The following SH3PXD2B variants were observed in gnomAD, a reference collection of about 807,000 sequenced individuals.
The protein encoded by SH3PXD2B is SH3 and PX domain-containing protein 2B.
SH3PXD2B carries 37 observed loss-of-function variants against 73.1 expected under a neutral mutation model. That is an observed-to-expected ratio of 0.51 (90% CI 0.39 to 0.67). SH3PXD2B has a LOEUF of 0.67. Among genes scored for constraint, SH3PXD2B ranks in the 30% least tolerant of loss-of-function variants. The probability of loss-of-function intolerance (pLI) is 0.00; values close to 1 mark genes in which losing one functional copy is unlikely to be tolerated. For missense variants in SH3PXD2B, 1,053 were observed against 1,197.8 expected (o/e 0.88, Z 1.78); for synonymous variants, 457 against 480.5 (o/e 0.95, Z 0.64).
At chr5:172,394,453 A>G (rs917194347) in intron 4 of SH3PXD2B, 110 bp downstream of exon 4, 2 of 1,113,392 alleles carry the variant, frequency 1.8e-6, no homozygotes, top group Non-Finnish European at 2.7e-6. Context: ...ATTTCTTTAC[A>G]TTCCTTTGAA....
At position 172,440,352 on chromosome 5, in the gene SH3PXD2B, C is replaced by G. The variant is rs547257172; in HGVS notation, c.75+13926G>C. ...CCCTGCATCCCCCAGGTCTGACCTC[C>G]TGCCTCCAGCAGCCATTTTGGCCCT... is the stretch of plus-strand genomic sequence containing the variant. On this transcript the variant is annotated intron_variant, in intron 1 of 12. Coordinates refer to ENST00000311601, the MANE Select transcript of SH3PXD2B (RefSeq NM_001017995.3). Among the ~76,000 whole-genome samples, 72 of 152,354 alleles carry G rather than the reference C, an allele frequency of 4.7e-4. 1 individual carries two copies. In the South Asian group the frequency reaches 0.015, roughly 32 times the overall value.
At chr5:172,351,612 CTG>C (rs1161558706) in intron 9 of SH3PXD2B, among the ~76,000 whole-genome samples, 7 of 152,112 alleles carry the variant, frequency 4.6e-5, no homozygotes, top group Non-Finnish European at 8.8e-5. Flanking sequence ...CTGGCAAACA[CTG>C]TAACTCAGAG....
chr5:172,392,239 C>T (rs1758207127), intron 4 of SH3PXD2B, among the ~76,000 whole-genome samples: 1 of 152,020 alleles, frequency 6.6e-6, no homozygotes, highest in Non-Finnish European at 1.5e-5. Flanking sequence ...TGTGTCTTTA[C>T]AGGAACAGGA....
At chr5:172,409,968 G>A (rs763539662) in intron 2 of SH3PXD2B, among the ~76,000 whole-genome samples, 8 of 152,140 alleles carry the variant, frequency 5.3e-5, no homozygotes, top group Non-Finnish European at 7.4e-5. Context: ...CACCTGCCCC[G>A]GCCTCCCAAA....
intron 3 of SH3PXD2B, 39 bp downstream of exon 3, chr5:172,406,238 C>T (rs761927029): frequency 1.9e-6 from 3 of 1,599,530 alleles, no homozygotes; most frequent in Admixed American, 3.3e-5. Flanking sequence ...TGTAACAGAG[C>T]CCCCAGTGTC....
intron 4 of SH3PXD2B, among the ~76,000 whole-genome samples, chr5:172,383,064 C>A (rs1482490881): frequency 1.3e-5 from 2 of 152,120 alleles, no homozygotes; most frequent in Non-Finnish European, 2.9e-5. Context: ...TCTATAACAT[C>A]ATCTATACTG....
rs145828904 is a variant in SH3PXD2B at position 172,336,022 on chromosome 5, C to T, written c.*2347G>A. 1.5e-4 allele frequency: 152 copies of T among 1,002,784 alleles called. 2 individuals carry two copies. In the East Asian group the frequency reaches 6.2e-3, roughly 41 times the overall value. 62.1% of individuals were successfully genotyped at this position (1,002,784 alleles called of 1,614,324 possible). A position where few individuals can be genotyped will look rare whatever the true frequency, so the allele number is the denominator to read the frequency against. ...AGTCTGCTCCTACCCAGCTGACCCC[C>T]GGGAGGAAGGAATGAAGCAAGAGAG... On this transcript the variant is annotated 3_prime_UTR_variant, in exon 13 of 13. Transcript: ENST00000311601.
chr5:172,382,824 G>A (rs535687548), intron 4 of SH3PXD2B, among the ~76,000 whole-genome samples: 2 of 152,164 alleles, frequency 1.3e-5, no homozygotes, highest in East Asian at 3.9e-4. Context: ...TGCCTCCTGG[G>A]TTCAAGCGAT....
chr5:172,434,685 G>A (rs1396512633), intron 1 of SH3PXD2B, among the ~76,000 whole-genome samples: 2 of 152,068 alleles, frequency 1.3e-5, no homozygotes, highest in Non-Finnish European at 2.9e-5. Flanking sequence ...GAATCCAGCT[G>A]AAATTCCTGG....
intron 2 of SH3PXD2B, among the ~76,000 whole-genome samples, chr5:172,414,655 C>T (rs563285361): frequency 4.6e-5 from 7 of 152,228 alleles, no homozygotes; most frequent in East Asian, 1.9e-4. Flanking sequence ...CTAGCAGCAA[C>T]GCTCTGGCAC....
intron 3 of SH3PXD2B, among the ~76,000 whole-genome samples, chr5:172,404,850 C>G (rs1758516016): frequency 6.6e-6 from 1 of 152,226 alleles, no homozygotes. Flanking sequence ...CCCAGGTTGT[C>G]TGACTCCAGG....
intron 5 of SH3PXD2B, among the ~76,000 whole-genome samples, chr5:172,381,251 T>C (rs1757937463): frequency 6.6e-6 from 1 of 152,166 alleles, no homozygotes; most frequent in South Asian, 2.1e-4. Flanking sequence ...CTGGTACTTT[T>C]CAGCCCTTCT....
Position 172,361,171 on chromosome 5 carries a change from A to G in SH3PXD2B, c.562+1564T>C, listed in dbSNP as rs115700828. On this transcript the variant is annotated intron_variant, in intron 7 of 12. Transcript: ENST00000311601. ...TATATGTATGAATGAGTACCTGTGT[A>G]TGTGTGAGTGTATATGTTCACACGT... 2.0e-3 allele frequency among the ~76,000 whole-genome samples: 311 copies of G among 152,134 alleles called. 1 individual carries two copies. The highest frequency in any genetic ancestry group is 2.4e-3 in the Non-Finnish European group (166 of 67,980).
chr5:172,397,850 G>C (rs377238505), intron 3 of SH3PXD2B, among the ~76,000 whole-genome samples: 4 of 152,138 alleles, frequency 2.6e-5, no homozygotes, highest in South Asian at 2.1e-4. Flanking sequence ...TCCTGGGCTC[G>C]GTCTCGGTCC....
chr5:172,401,035 T>C (rs1354694309), intron 3 of SH3PXD2B, among the ~76,000 whole-genome samples: 2 of 152,230 alleles, frequency 1.3e-5, no homozygotes, highest in Non-Finnish European at 2.9e-5. Flanking sequence ...CATCAATCTA[T>C]TCAAACGGCT....
At chr5:172,341,027 G>A (rs564416946) in intron 12 of SH3PXD2B, among the ~76,000 whole-genome samples, 111 of 152,274 alleles carry the variant, frequency 7.3e-4, no homozygotes, top group Admixed American at 2.4e-3. Context: ...TGGGATACAC[G>A]CCTGTTGGCT....
At chr5:172,395,734 G>T (rs529587327) in intron 3 of SH3PXD2B, among the ~76,000 whole-genome samples, 2 of 152,174 alleles carry the variant, frequency 1.3e-5, no homozygotes, top group South Asian at 4.2e-4. Context: ...AGGGGTGGGG[G>T]AAATCAGAAA....
At chr5:172,381,233 G>C (rs1476367870) in intron 5 of SH3PXD2B, among the ~76,000 whole-genome samples, 2 of 152,230 alleles carry the variant, frequency 1.3e-5, no homozygotes, top group African/African-American at 4.8e-5. Context: ...TTCTGGAACA[G>C]AGCCTGGCTG....
intron 1 of SH3PXD2B, among the ~76,000 whole-genome samples, chr5:172,452,338 A>G (rs1320406752): frequency 1.3e-5 from 2 of 152,212 alleles, no homozygotes; most frequent in Admixed American, 1.3e-4. Context: ...AAAAACTGGC[A>G]AGGATGGAGC....
Sources: gnomAD v4.1 joint callset for allele counts (sites outside exome capture counted in the v4.1 genomes callset) on GRCh38, gnomAD v4.1.1 for gene constraint, MANE v1.5 for transcripts, NCBI Gene and HGNC (gene_info 2026-07-23, HGNC 2026-07-21) for gene names.